GATAD2B: variants seen among roughly 807,000 people sequenced by gnomAD.
The protein encoded by GATAD2B is GATA zinc finger domain containing 2B.
GATAD2B carries 8 observed loss-of-function variants against 64.3 expected under a neutral mutation model. That is an observed-to-expected ratio of 0.12 (90% CI 0.07 to 0.22). GATAD2B has a LOEUF of 0.22. Among genes scored for constraint, GATAD2B ranks in the 10% least tolerant of loss-of-function variants. The pLI, the probability that GATAD2B is intolerant of heterozygous loss-of-function variation, is 1.00. For synonymous variants in GATAD2B, 281 were observed against 271.3 expected, an observed-to-expected ratio of 1.04 and a Z score of -0.35; for missense variants, 453 against 752.0, an observed-to-expected ratio of 0.60 and a Z score of 4.65.
At chr1:153,827,895 A>G (rs1674937497) in intron 2 of GATAD2B, 118 bp downstream of exon 2, 4 of 752,674 alleles carry the variant, frequency 5.3e-6, no homozygotes, top group African/African-American at 3.5e-5. Flanking sequence ...ACTCGATGAT[A>G]TATCTTCTTT....
intron 1 of GATAD2B, among the ~76,000 whole-genome samples, chr1:153,905,531 C>T (rs1008696876): frequency 1.4e-5 from 2 of 146,594 alleles, no homozygotes; most frequent in South Asian, 2.1e-4. Flanking sequence ...TCAAGGAAGC[C>T]CAAACAGCCA....
Position 153,818,071 on chromosome 1 carries a change from C to A in GATAD2B, c.698G>T (p.Gly233Val). The A allele has an allele frequency of 6.2e-7, 1 of 1,612,076 alleles. No homozygotes were observed. Among genetic ancestry groups the A allele is most frequent in the Non-Finnish European group, 8.5e-7 (1 of 1,179,240 alleles). Residue 233 changes from glycine (G) to valine (V), a missense_variant, in exon 5 of 11, where the codon GGG (glycine) becomes GTG (valine). Gly to Val is a moderately radical substitution (Grantham distance 109). Transcript: ENST00000368655. ...SKLPSRPGAQ[G>V]VEPQNLRTLQ... ...TGTTCTCAAATTTTGAGGTTCAACC[C>A]CTTGGGCCCCAGGCCGAGAGGGAAG...
intron 1 of GATAD2B, among the ~76,000 whole-genome samples, chr1:153,867,249 C>A (rs1676510227): frequency 2.0e-5 from 3 of 152,170 alleles, no homozygotes. Flanking sequence ...CACTGATCTC[C>A]TTACATGACA....
chr1:153,850,953 G>A (rs142233439), intron 1 of GATAD2B, among the ~76,000 whole-genome samples: 3 of 148,830 alleles, frequency 2.0e-5, no homozygotes, highest in Non-Finnish European at 4.5e-5. Flanking sequence ...GTTTTATTGT[G>A]GTAAAAACAC....
intron 1 of GATAD2B, among the ~76,000 whole-genome samples, chr1:153,883,437 G>A (rs1426745573): frequency 6.6e-6 from 1 of 152,174 alleles, no homozygotes; most frequent in South Asian, 2.1e-4. Flanking sequence ...TCACAATAAG[G>A]TCCTCTTAAT....
At chr1:153,833,811 CAAAAAAAA>C (rs71093292) in intron 1 of GATAD2B, among the ~76,000 whole-genome samples, 54 of 61,948 alleles carry the variant, frequency 8.7e-4, no homozygotes, top group African/African-American at 2.5e-3. Context: ...ACTCAGTCTC[CAAAAAAAA>C]AAAAAAAAAA....
rs1400458138 is a variant in GATAD2B at position 153,805,882 on chromosome 1, T to C, written c.*4295A>G. 1 of 152,226 alleles carries C rather than the reference T, an allele frequency of 6.6e-6. No individual in the cohort carries two copies. Among genetic ancestry groups the C allele is most frequent in the Admixed American group, 6.5e-5 (1 of 15,290 alleles). 9.4% of individuals were successfully genotyped at this position (152,226 alleles called of 1,614,324 possible). On this transcript the variant is annotated 3_prime_UTR_variant, in exon 11 of 11. Coordinates refer to ENST00000368655, the MANE Select transcript of GATAD2B (RefSeq NM_020699.4). ...TACAAAGTCCTGGACCAGGAGGTCTTGGCTTTCACAGGAGCTCAGCCTCAC... is the reference window on the plus strand; with the variant it reads ...TACAAAGTCCTGGACCAGGAGGTCTCGGCTTTCACAGGAGCTCAGCCTCAC...
chr1:153,904,910 T>C (rs1160871976), intron 1 of GATAD2B, among the ~76,000 whole-genome samples: 2 of 152,236 alleles, frequency 1.3e-5, no homozygotes, highest in East Asian at 1.9e-4. Flanking sequence ...TTTCATCATA[T>C]TGGTCAGGCT....
chr1:153,852,696 C>T (rs562533193), intron 1 of GATAD2B: 4 of 922,866 alleles, frequency 4.3e-6, no homozygotes, highest in Admixed American at 3.4e-5. Flanking sequence ...TTCTTTAACC[C>T]TGCTGAGAGC....
rs181799992 is a variant in GATAD2B at position 153,914,172 on chromosome 1, G to A, written c.-2+8561C>T. Among the ~76,000 whole-genome samples, 185 of 149,526 alleles carry A rather than the reference G, an allele frequency of 1.2e-3. 1 individual carries two copies. Among genetic ancestry groups the A allele is most frequent in the African/African-American group, 4.4e-3 (178 of 40,366 alleles). ...ACAGGAGAATCGTTTGAACCCGGGAGGCGGAGGTTGCAGTGAGCCGAGATC... is the reference window on the plus strand; with the variant it reads ...ACAGGAGAATCGTTTGAACCCGGGAAGCGGAGGTTGCAGTGAGCCGAGATC... On this transcript the variant is annotated intron_variant, in intron 1 of 10. Coordinates refer to ENST00000368655, the MANE Select transcript of GATAD2B (RefSeq NM_020699.4).
intron 1 of GATAD2B, among the ~76,000 whole-genome samples, chr1:153,871,440 G>A (rs907512512): frequency 3.9e-5 from 6 of 152,152 alleles, no homozygotes; most frequent in African/African-American, 1.2e-4. Context: ...CTGACCTAGT[G>A]ATCCATCTGC....
intron 1 of GATAD2B, among the ~76,000 whole-genome samples, chr1:153,848,667 T>G (rs1455386690): frequency 6.6e-6 from 1 of 152,148 alleles, no homozygotes; most frequent in East Asian, 1.9e-4. Flanking sequence ...GGTGTTGTCT[T>G]AGTCCATTAT....
intron 1 of GATAD2B, among the ~76,000 whole-genome samples, chr1:153,914,015 C>T (rs1678181004): frequency 6.6e-6 from 1 of 151,776 alleles, no homozygotes; most frequent in African/African-American, 2.4e-5. Context: ...GAGGCCAAGG[C>T]AGGCGGATCA....
chr1:153,920,909 C>T (rs113188531), intron 1 of GATAD2B, among the ~76,000 whole-genome samples: 6 of 152,258 alleles, frequency 3.9e-5, no homozygotes, highest in African/African-American at 1.2e-4. Context: ...TATAAGCTAT[C>T]TGCTTATATG....
intron 1 of GATAD2B, among the ~76,000 whole-genome samples, chr1:153,886,909 A>C (rs1677203046): frequency 6.6e-6 from 1 of 151,992 alleles, no homozygotes; most frequent in Non-Finnish European, 1.5e-5. Context: ...AACATGGCTA[A>C]ATGGTTAACT....
intron 4 of GATAD2B, 39 bp from the exon 5 acceptor site, chr1:153,818,210 T>A (rs1361937586): frequency 1.9e-6 from 3 of 1,541,894 alleles, no homozygotes; most frequent in Non-Finnish European, 2.6e-6. Flanking sequence ...TGGCCAATAA[T>A]CACAGGTGGA....
At chr1:153,920,444 T>A (rs1678395966) in intron 1 of GATAD2B, among the ~76,000 whole-genome samples, 1 of 152,254 alleles carries the variant, frequency 6.6e-6, no homozygotes, top group African/African-American at 2.4e-5. Flanking sequence ...GCCACCACCC[T>A]GTGGCCCTAT....
chr1:153,897,944 T>C (rs1677647532), intron 1 of GATAD2B, among the ~76,000 whole-genome samples: 1 of 145,948 alleles, frequency 6.9e-6, no homozygotes, highest in African/African-American at 2.6e-5. Context: ...CTAGGAGTTC[T>C]AGACTGGCTC....
chr1:153,894,583 C>A (rs1463341613), intron 1 of GATAD2B, among the ~76,000 whole-genome samples: 2 of 152,002 alleles, frequency 1.3e-5, no homozygotes, highest in Non-Finnish European at 2.9e-5. Flanking sequence ...AGTTTACGGG[C>A]CAGGTACAGT....
Sources: gnomAD v4.1 joint callset for allele counts (sites outside exome capture counted in the v4.1 genomes callset) on GRCh38, gnomAD v4.1.1 for gene constraint, MANE v1.5 for transcripts, NCBI Gene and HGNC (gene_info 2026-07-23, HGNC 2026-07-21) for gene names.